Variants in CMTR1 observed in about 807,000 individuals in gnomAD.
CMTR1 encodes the protein cap-specific mRNA (nucleoside-2'-O-)-methyltransferase 1.
A neutral mutation model predicts 107.0 loss-of-function variants in CMTR1; 39 were observed. The observed-to-expected ratio is 0.36, with a 90% CI of 0.28 to 0.48. The LOEUF is 0.48. Among genes scored for constraint, CMTR1 ranks in the 20% least tolerant of loss-of-function variants. The probability of loss-of-function intolerance (pLI) is 0.99; values close to 1 mark genes in which losing one functional copy is unlikely to be tolerated. For missense variants in CMTR1, 672 were observed against 1,064.9 expected (o/e 0.63, Z 5.14); for synonymous variants, 366 against 379.5 (o/e 0.96, Z 0.41).
In CMTR1 at chr6:37,458,722, G is replaced by A. The variant is rs775980805; in HGVS notation, c.888G>A (p.Lys296=). Residue 296 remains lysine, a synonymous_variant, in exon 9 of 24, where the codon AAG becomes AAA. Transcript: ENST00000373451. This position sits in a 1 kb window ranked among gnomAD's most constrained non-coding sequence, Gnocchi z 4.7. ...YVLWRKKWHA[K]GFGMTLKGPN... ...TGTGGAGGAAGAAGTGGCATGCAAAGGGCTTTGGAATGACTTTGAAGGGCC... is the reference window on the plus strand; with the variant it reads ...TGTGGAGGAAGAAGTGGCATGCAAAAGGCTTTGGAATGACTTTGAAGGGCC... 2 of 1,614,164 alleles carry A rather than the reference G, an allele frequency of 1.2e-6. No individual in the cohort carries two copies. The highest frequency in any genetic ancestry group is 4.5e-5 in the East Asian group (2 of 44,882).
intron 23 of CMTR1, 152 bp from the exon 24 acceptor site, chr6:37,479,861 G>A (rs1418001687): frequency 3.8e-5 from 27 of 707,572 alleles, no homozygotes; most frequent in Non-Finnish European, 5.8e-5. Context: ...GGAGGCAGGG[G>A]AGTTAGGGCC....
intron 13 of CMTR1, among the ~76,000 whole-genome samples, chr6:37,466,517 T>A (rs1761516029): frequency 6.6e-6 from 1 of 152,178 alleles, no homozygotes; most frequent in African/African-American, 2.4e-5. Context: ...TAAGGGTCCT[T>A]CTGCATGTGA....
rs1460486419 is a variant in CMTR1, at chr6:37,473,604, A to T, written c.1821+3A>T. 6.2e-7 allele frequency: 1 copy of T among 1,612,726 alleles called. No individual in the cohort carries two copies. The highest frequency in any genetic ancestry group is 8.5e-7 in the Non-Finnish European group (1 of 1,179,320). ...AGAAGTTCCTCATCGGCCTGGGGGT[A>T]AGTCTGCAGCTGGCTTCCTGCCCAG... On this transcript the variant is annotated splice_donor_region_variant and intron_variant, in intron 17 of 23. Coordinates refer to ENST00000373451, the MANE Select transcript of CMTR1 (RefSeq NM_015050.3).
chr6:37,434,854 C>A (rs1170770403), intron 1 of CMTR1, among the ~76,000 whole-genome samples: 1 of 152,154 alleles, frequency 6.6e-6, no homozygotes, highest in Non-Finnish European at 1.5e-5. Flanking sequence ...TCAGGTGATC[C>A]GCCCACCTCT....
At chr6:37,464,964 G>A (rs910795608) in intron 13 of CMTR1, among the ~76,000 whole-genome samples, 3 of 149,618 alleles carry the variant, frequency 2.0e-5, no homozygotes, top group Non-Finnish European at 3.0e-5. Flanking sequence ...TATGTATATA[G>A]TATACATATA....
Position 37,471,864 on chromosome 6 carries a change from G to A in CMTR1, c.1580G>A (p.Arg527Gln), listed in dbSNP as rs1452405395. 2.5e-6 allele frequency: 4 copies of A among 1,613,718 alleles called. No individual in the cohort carries two copies. The highest frequency in any genetic ancestry group is 1.3e-5 in the African/African-American group (1 of 74,866). ...ATTCCCAGGACACTGAGTGAGCCTC[G>A]ACAGGCAGAGATACGGAAGGAGTGC... ...FVQDTTLSEP[R>Q]QAEIRKECLR... The change falls in exon 15 of 24, where the codon CGA (arginine) becomes CAA (glutamine). Residue 527 changes from arginine (R) to glutamine (Q), a missense_variant. Arg to Gln is a conservative substitution (Grantham distance 43, BLOSUM62 1). Coordinates refer to ENST00000373451, the MANE Select transcript of CMTR1 (RefSeq NM_015050.3).
rs1761334433 is a variant in CMTR1 at position 37,458,127 on chromosome 6, T to C, written c.778-485T>C. Among the ~76,000 whole-genome samples, 2 of 152,132 alleles carry C rather than the reference T, an allele frequency of 1.3e-5. No homozygotes were observed. The highest frequency in any genetic ancestry group is 2.4e-5 in the African/African-American group (1 of 41,426). On this transcript the variant is annotated intron_variant, in intron 8 of 23. Coordinates refer to ENST00000373451, the MANE Select transcript of CMTR1 (RefSeq NM_015050.3). The surrounding 1 kb of genome is among the most constrained non-coding windows in gnomAD (Gnocchi z 4.7). ...TCAAGTGCAGTGGCGCGATCTCAGC[T>C]CACTGCAACCTCTGCCTCCCGGGTT... is the stretch of plus-strand genomic sequence containing the variant.
chr6:37,450,173 T>TG (rs34187488), intron 4 of CMTR1, 78 bp from the exon 5 acceptor site: 5 of 1,236,646 alleles, frequency 4.0e-6, no homozygotes, highest in Non-Finnish European at 5.9e-6. Context: ...TTGATTGTTT[T>TG]GGGGAAGTCC....
chr6:37,426,720 A>G, the CMTR1 span, among the ~76,000 whole-genome samples: 1 of 152,116 alleles, frequency 6.6e-6, no homozygotes. Flanking sequence ...GATCTTTTTT[A>G]AAACTTTCCC....
In CMTR1 at chr6:37,480,092, G is replaced by C; in HGVS notation, c.2455G>C (p.Asp819His). 6.3e-7 allele frequency: 1 copy of C among 1,595,488 alleles called. No homozygotes were observed. Reference protein sequence around the residue: ...VHDSQKPQDQDKLSKEDVLSF... With the variant: ...VHDSQKPQDQHKLSKEDVLSF... ...TGACTCCCAGAAGCCCCAGGACCAGGACAAGCTGTCCAAGGAGGACGTCCT... is the reference window on the plus strand; with the variant it reads ...TGACTCCCAGAAGCCCCAGGACCAGCACAAGCTGTCCAAGGAGGACGTCCT... The change falls in exon 24 of 24, where the codon GAC (aspartate) becomes CAC (histidine). Residue 819 changes from aspartate to histidine, a missense_variant. Transcript: ENST00000373451.
Position 37,472,541 on chromosome 6 carries a change from T to G in CMTR1, c.1689+54T>G, listed in dbSNP as rs2113891923. 1 of 1,553,316 alleles carries G rather than the reference T, an allele frequency of 6.4e-7. No individual in the cohort carries two copies. The highest frequency in any genetic ancestry group is 8.9e-7 in the Non-Finnish European group (1 of 1,125,006). ...AAAGTTAGAGATCTGTCTCTAGATG[T>G]GGATGGTATCACTGAGGCCCCAGAT... On this transcript the variant is annotated intron_variant, in intron 16 of 23. Coordinates refer to ENST00000373451, the MANE Select transcript of CMTR1 (RefSeq NM_015050.3). The surrounding 1 kb of genome is among the most constrained non-coding windows in gnomAD (Gnocchi z 4.1).
intron 9 of CMTR1, among the ~76,000 whole-genome samples, chr6:37,459,172 G>A (rs1471314472): frequency 1.3e-5 from 2 of 152,252 alleles, no homozygotes. Context: ...TCTGTGCCAG[G>A]TGCAGAATGC....
intron 13 of CMTR1, among the ~76,000 whole-genome samples, chr6:37,466,844 T>C (rs149320151): frequency 1.3e-5 from 2 of 152,214 alleles, no homozygotes; most frequent in East Asian, 3.9e-4. Context: ...CGTGTATATA[T>C]ATATAATTTT....
At chr6:37,435,418 G>A (rs958441847) in intron 1 of CMTR1, among the ~76,000 whole-genome samples, 1 of 152,176 alleles carries the variant, frequency 6.6e-6, no homozygotes, top group African/African-American at 2.4e-5. Context: ...ACATTTTCCA[G>A]TAAAACAGCT....
chr6:37,445,271 GGAAT>G (rs1771758978), intron 3 of CMTR1, among the ~76,000 whole-genome samples: 1 of 152,018 alleles, frequency 6.6e-6, no homozygotes, highest in African/African-American at 2.4e-5. Flanking sequence ...CCTTTCAGAG[GGAAT>G]ATAGACCCTC....
chr6:37,477,444 G>C (rs776929297), intron 20 of CMTR1, 148 bp from the exon 21 acceptor site: 3 of 716,796 alleles, frequency 4.2e-6, no homozygotes, highest in Non-Finnish European at 7.6e-6. Context: ...GGCAGGCTTG[G>C]TGTCCTCGCT....
rs1761768786 is a variant in CMTR1, at chr6:37,477,770, C to T, written c.2153+131C>T. Reference sequence around the variant, plus strand: ...TGAGCTGCCTCCAGCGGTCCCCTCACCTCATCTGCCTCGCTGCAGCACTGC... The same window carrying T: ...TGAGCTGCCTCCAGCGGTCCCCTCATCTCATCTGCCTCGCTGCAGCACTGC... On this transcript the variant is annotated intron_variant, in intron 21 of 23. Coordinates refer to ENST00000373451, the MANE Select transcript of CMTR1 (RefSeq NM_015050.3). The T allele has an allele frequency of 5.5e-6, 4 of 730,204 alleles. No homozygotes were observed. In the Admixed American group the frequency reaches 7.4e-5, roughly 13 times the overall value. The allele number at this position is 730,204 out of a possible 1,614,324, so 45.2% of individuals were successfully genotyped here.
At chr6:37,479,884 T>C in intron 23 of CMTR1, 129 bp from the exon 24 acceptor site, 1 of 939,310 alleles carries the variant, frequency 1.1e-6, no homozygotes, top group Non-Finnish European at 1.5e-6. Flanking sequence ...CCGGGTACCT[T>C]TTGCCTGCCG....
At position 37,480,448 on chromosome 6, in the gene CMTR1, G is replaced by A. The variant is rs1345647448; in HGVS notation, c.*303G>A. On this transcript the variant is annotated 3_prime_UTR_variant, in exon 24 of 24. Coordinates refer to ENST00000373451, the MANE Select transcript of CMTR1 (RefSeq NM_015050.3). ...CCTAGGGCACGTGGGACTGATGGAG[G>A]ACATATCAGAGTGGCAGAGCTGTGG... The A allele has an allele frequency of 2.5e-6, 3 of 1,204,124 alleles. No homozygotes were observed. The highest frequency in any genetic ancestry group is 4.8e-5 in the Admixed American group (1 of 20,972). The allele number at this position is 1,204,124 out of a possible 1,614,324, so 74.6% of individuals were successfully genotyped here. A position where few individuals can be genotyped will look rare whatever the true frequency, so the allele number is the denominator to read the frequency against.
Sources: gnomAD v4.1 joint callset for allele counts (sites outside exome capture counted in the v4.1 genomes callset) on GRCh38, gnomAD v4.1.1 for gene constraint, Gnocchi (gnomAD v3.1) non-coding constraint, MANE v1.5 for transcripts, NCBI Gene and HGNC (gene_info 2026-07-23, HGNC 2026-07-21) for gene names.